CUX2: variants seen among roughly 807,000 people sequenced by gnomAD.
CUX2 encodes cut like homeobox 2.
CUX2 carries 40 observed loss-of-function variants against 144.8 expected under a neutral mutation model. The ratio of observed to expected loss-of-function variants is 0.28; its 90% confidence interval spans 0.21 to 0.36. CUX2 has a LOEUF of 0.36. CUX2 is among the 10% of genes least tolerant of loss of function. The pLI, the probability that CUX2 is intolerant of heterozygous loss-of-function variation, is 1.00. For missense variants in CUX2, 1,615 were observed against 1,994.0 expected (o/e 0.81, Z 3.62); for synonymous variants, 827 against 875.6 (o/e 0.94, Z 0.98).
chr12:111,044,401 T>G (rs2136005107), intron 1 of CUX2, among the ~76,000 whole-genome samples: 1 of 152,146 alleles, frequency 6.6e-6, no homozygotes, highest in African/African-American at 2.4e-5. Context: ...CTCCCCCTCT[T>G]TATTCAAGCC....
chr12:111,056,709 G>A (rs181443408), intron 1 of CUX2, among the ~76,000 whole-genome samples: 7 of 152,368 alleles, frequency 4.6e-5, no homozygotes, highest in Admixed American at 3.3e-4. Flanking sequence ...TCCCACCACT[G>A]GGTGGAAGGA....
Position 111,338,446 on chromosome 12 carries a change from G to T in CUX2, c.3357G>T (p.Leu1119=), listed in dbSNP as rs766774137. 1 of 1,613,698 alleles carries T rather than the reference G, an allele frequency of 6.2e-7. No individual in the cohort carries two copies. Among genetic ancestry groups the T allele is most frequent in the Non-Finnish European group, 8.5e-7 (1 of 1,179,720 alleles). Reference sequence around the variant, plus strand: ...ATGACCCCCATAACGTGGAGAAGCTGAGGGATATGAAGAAGCTGGAGAAGA... The same window carrying T: ...ATGACCCCCATAACGTGGAGAAGCTTAGGGATATGAAGAAGCTGGAGAAGA... The part of the protein sequence containing the change: ...WLNDPHNVEK[L]RDMKKLEKKA... Residue 1119 remains leucine (L), a synonymous_variant, in exon 20 of 22, where the codon CTG becomes CTT. Coordinates refer to ENST00000261726, the MANE Select transcript of CUX2 (RefSeq NM_015267.4).
At chr12:111,100,538 G>C (rs796958554) in intron 1 of CUX2, among the ~76,000 whole-genome samples, 20 of 152,264 alleles carry the variant, frequency 1.3e-4, no homozygotes, top group African/African-American at 4.8e-4. Flanking sequence ...TGGTGGGTCT[G>C]TGTGGGTGCA....
intron 16 of CUX2, among the ~76,000 whole-genome samples, chr12:111,317,283 A>G (rs1050920643): frequency 6.6e-6 from 1 of 152,160 alleles, no homozygotes; most frequent in African/African-American, 2.4e-5. Flanking sequence ...CTTTTCATTT[A>G]CTGGTTAATT....
intron 1 of CUX2, among the ~76,000 whole-genome samples, chr12:111,125,480 G>A (rs1875001180): frequency 6.6e-6 from 1 of 152,238 alleles, no homozygotes; most frequent in South Asian, 2.1e-4. Context: ...CGCCCGGCCT[G>A]GATATTTCAT....
At chr12:111,188,260 G>A (rs1879672156) in intron 1 of CUX2, among the ~76,000 whole-genome samples, 1 of 152,244 alleles carries the variant, frequency 6.6e-6, no homozygotes, top group Non-Finnish European at 1.5e-5. Context: ...GAAATCAAGA[G>A]CAGGTGAGAA....
intron 6 of CUX2, among the ~76,000 whole-genome samples, chr12:111,294,516 G>A (rs910886033): frequency 4.0e-5 from 6 of 150,834 alleles, no homozygotes; most frequent in African/African-American, 2.4e-5. Context: ...CCAGGTGGTC[G>A]AGGCTGTAGT....
chr12:111,326,485 G>A (rs1041237385), intron 18 of CUX2, among the ~76,000 whole-genome samples: 1 of 151,628 alleles, frequency 6.6e-6, no homozygotes, highest in African/African-American at 2.4e-5. Flanking sequence ...TAGTGTTGTG[G>A]TGATGGAGGG....
chr12:111,314,783 G>A (rs1445457100), intron 16 of CUX2, among the ~76,000 whole-genome samples: 1 of 151,768 alleles, frequency 6.6e-6, no homozygotes, highest in African/African-American at 2.4e-5. Flanking sequence ...GGCAGAGGTT[G>A]TAGTGAGCCG....
chr12:111,214,021 A>C (rs1274829718), intron 1 of CUX2, among the ~76,000 whole-genome samples, 179 bp from the exon 2 acceptor site: 2 of 152,126 alleles, frequency 1.3e-5, no homozygotes, highest in East Asian at 3.9e-4. Context: ...TTTCAGTTGC[A>C]TCCCAGTTTT....
chr12:111,121,370 T>TTTTTTTTTTTTTTTTTTTTTTTTTTC (rs1874665221), intron 1 of CUX2, among the ~76,000 whole-genome samples: 1 of 4,610 alleles, frequency 2.2e-4, no homozygotes, highest in Non-Finnish European at 8.9e-4. Context: ...TTCTTTTTTC[T>TTTTTTTTTTTTTTTTTTTTTTTTTTC]TTTTTTTTTT....
intron 18 of CUX2, among the ~76,000 whole-genome samples, chr12:111,328,580 TTGTG>T (rs568983449): frequency 0.053 from 7,177 of 135,764 alleles, 408 homozygotes; most frequent in African/African-American, 0.13. Context: ...CCAATTTCTT[TTGTG>T]TGTGTGTGTG....
At chr12:111,087,082 G>A (rs974554864) in intron 1 of CUX2, among the ~76,000 whole-genome samples, 10 of 152,078 alleles carry the variant, frequency 6.6e-5, no homozygotes, top group African/African-American at 1.4e-4. Context: ...GCTGTGGGCC[G>A]GGCACAGTGG....
chr12:111,233,597 C>T (rs901542696), intron 3 of CUX2, among the ~76,000 whole-genome samples: 6 of 151,796 alleles, frequency 4.0e-5, no homozygotes, highest in Non-Finnish European at 5.9e-5. Context: ...TGGGAGGGGG[C>T]GGGGGAGCAA....
chr12:111,074,296 C>G (rs1001569103), intron 1 of CUX2, among the ~76,000 whole-genome samples: 3 of 152,012 alleles, frequency 2.0e-5, no homozygotes, highest in Non-Finnish European at 4.4e-5. Flanking sequence ...CCAGGTCTCT[C>G]GAAACAGATT....
chr12:111,070,676 C>T (rs1416150160), intron 1 of CUX2, among the ~76,000 whole-genome samples: 1 of 152,070 alleles, frequency 6.6e-6, no homozygotes. Flanking sequence ...TGGGCTTGGA[C>T]AAGTGTATAA....
intron 3 of CUX2, among the ~76,000 whole-genome samples, chr12:111,241,343 T>A (rs1883010690): frequency 6.6e-6 from 1 of 152,170 alleles, no homozygotes; most frequent in South Asian, 2.1e-4. Context: ...GCATTGGGGA[T>A]CAAACTTCAA....
chr12:111,229,138 T>TC, intron 3 of CUX2, among the ~76,000 whole-genome samples: 1 of 152,160 alleles, frequency 6.6e-6, no homozygotes, highest in East Asian at 1.9e-4. Flanking sequence ...TCTAAAATAA[T>TC]CCCCCGGTGT....
chr12:111,090,011 T>C (rs1341449744), intron 1 of CUX2, among the ~76,000 whole-genome samples: 6 of 152,182 alleles, frequency 3.9e-5, no homozygotes, highest in Admixed American at 3.3e-4. Flanking sequence ...CCTCTGGCCA[T>C]CATGTGCAGT....
Sources: allele counts gnomAD v4.1 joint callset (sites outside exome capture counted in the v4.1 genomes callset), GRCh38; gene constraint gnomAD v4.1.1; transcripts MANE v1.5; gene names NCBI Gene and HGNC (gene_info 2026-07-23, HGNC 2026-07-21).